Variants in F5 observed in about 807,000 individuals in gnomAD.
The protein encoded by F5 is activated protein c cofactor.
Under a neutral mutation model 216.4 loss-of-function variants are expected in F5, and 138 were observed. The ratio of observed to expected loss-of-function variants is 0.64; its 90% CI spans 0.56 to 0.73. The LOEUF (loss-of-function observed/expected upper bound fraction) is 0.73. Ranked by LOEUF, F5 falls within the 30% of genes least tolerant of loss-of-function variation. The probability of loss-of-function intolerance (pLI) is 0.00; values close to 1 mark genes in which losing one functional copy is unlikely to be tolerated. For missense variants in F5, 2,403 were observed against 2,674.0 expected (o/e 0.90, Z 2.24); for synonymous variants, 916 against 930.7 (o/e 0.98, Z 0.29).
intron 12 of F5, among the ~76,000 whole-genome samples, chr1:169,544,083 A>G (rs916200383): frequency 3.3e-5 from 5 of 152,174 alleles, no homozygotes; most frequent in Non-Finnish European, 4.4e-5. Flanking sequence ...TACTTTGCCC[A>G]GAGAAGGAAA....
intron 12 of F5, 120 bp from the exon 13 acceptor site, chr1:169,543,234 G>A (rs1659913741): frequency 1.2e-6 from 1 of 861,712 alleles, no homozygotes; most frequent in African/African-American, 1.7e-5. Flanking sequence ...TCAAGTATGG[G>A]CTGTGGACCA....
chr1:169,577,560 A>AATATATATATAGATATATAT (rs1660883868), intron 2 of F5, among the ~76,000 whole-genome samples: 1 of 54,446 alleles, frequency 1.8e-5, no homozygotes, highest in African/African-American at 5.6e-5. Flanking sequence ...GGCTAATTTA[A>AATATATATATAGATATATAT]ATATATATAT....
intron 2 of F5, among the ~76,000 whole-genome samples, chr1:169,579,503 C>T (rs912733473): frequency 9.9e-5 from 15 of 152,170 alleles, no homozygotes; most frequent in African/African-American, 1.9e-4. Context: ...CTTCTACACC[C>T]GTCTGCTCAC....
chr1:169,514,857 A>G (rs987777708), intron 24 of F5, among the ~76,000 whole-genome samples: 4 of 152,142 alleles, frequency 2.6e-5, no homozygotes, highest in African/African-American at 7.2e-5. Flanking sequence ...AGCAGCTGCA[A>G]AACCATTTCT....
rs777595678 is a variant in F5, at chr1:169,541,555, G to T, written c.3535C>A (p.His1179Asn). Residue 1179 changes from histidine to asparagine, a missense_variant, in exon 13 of 25, where the codon CAT becomes AAT. Coordinates refer to ENST00000367797, the MANE Select transcript of F5 (RefSeq NM_000130.5). ...DISQMSPSSEHEVWQTVISPD... is the reference protein window; with the variant it reads ...DISQMSPSSENEVWQTVISPD... ...GAGATGACTGTCTGCCAGACTTCAT[G>T]TTCTGAGGAAGGGGACATTTGACTT... 1.2e-6 allele frequency: 2 copies of T among 1,614,140 alleles called. No homozygotes were observed. The highest frequency in any genetic ancestry group is 1.1e-5 in the South Asian group (1 of 91,058).
Position 169,549,960 on chromosome 1 carries a change from C to T in F5, c.1452G>A (p.Lys484=). ...GTTCATCAAACTCTAAGATGTTCCA[C>T]TTATAAGTATAGGTTTCCCCTGGTT... ...AVQPGETYTY[K]WNILEFDEPT... is the part of the protein sequence containing the mutation. The change falls in exon 10 of 25, where the codon AAG becomes AAA. Residue 484 remains lysine, a synonymous_variant. Transcript: ENST00000367797. 6.2e-7 allele frequency: 1 copy of T among 1,614,132 alleles called. No individual in the cohort carries two copies. Among genetic ancestry groups the T allele is most frequent in the Non-Finnish European group, 8.5e-7 (1 of 1,180,020 alleles).
At position 169,530,947 on chromosome 1, in the gene F5, C is replaced by T. The variant is rs2101811678; in HGVS notation, c.5047G>A (p.Gly1683Arg). ...GGAGAGTCATCTTCATAAGTCTTTC[C>T]CTCTGATGATTTTTCATAGGAAAGT... ...HGLSYEKSSE[G>R]KTYEDDSPEW... is the part of the protein sequence containing the mutation. Residue 1683 changes from glycine to arginine, a missense_variant, in exon 15 of 25, where the codon GGA becomes AGA. Around this residue, in one of 4 missense-constraint regions of F5, gnomAD observed 659 missense variants for 787.9 expected, o/e 0.84. Transcript: ENST00000367797. The T allele has an allele frequency of 1.2e-6, 2 of 1,613,808 alleles. No homozygotes were observed. Among genetic ancestry groups the T allele is most frequent in the Non-Finnish European group, 1.7e-6 (2 of 1,179,826 alleles).
chr1:169,548,725 T>C (rs1340038909), intron 10 of F5, among the ~76,000 whole-genome samples: 1 of 151,560 alleles, frequency 6.6e-6, no homozygotes, highest in Non-Finnish European at 1.5e-5. Flanking sequence ...AAAAATTACA[T>C]GGGGGTGGTG....
chr1:169,582,977 G>A (rs1287006709), intron 1 of F5, among the ~76,000 whole-genome samples: 2 of 152,190 alleles, frequency 1.3e-5, no homozygotes, highest in Admixed American at 6.5e-5. Context: ...TAGTTGAGAG[G>A]TGAGAGATGG....
chr1:169,529,195 G>A (rs9332622), intron 16 of F5, among the ~76,000 whole-genome samples: 4,228 of 152,150 alleles, frequency 0.028, 188 homozygotes, highest in African/African-American at 0.097. Context: ...AACTGTTAGC[G>A]TCATTCTTAT....
intron 5 of F5, among the ~76,000 whole-genome samples, chr1:169,557,686 A>C (rs1571588207): frequency 6.6e-6 from 1 of 152,040 alleles, no homozygotes; most frequent in Middle Eastern, 3.4e-3. Context: ...TCTCAGATAC[A>C]TAATCACTAG....
In F5 at chr1:169,547,528, G is replaced by T. The variant is rs141985961; in HGVS notation, c.1612-936C>A. Reference sequence around the variant, plus strand: ...ACAGCCCCATTAAAAAGTAGGCCAAGGACAGGAACAGACACTTTTCAAAAG... The same window carrying T: ...ACAGCCCCATTAAAAAGTAGGCCAATGACAGGAACAGACACTTTTCAAAAG... On this transcript the variant is annotated intron_variant, in intron 10 of 24. Coordinates refer to ENST00000367797, the MANE Select transcript of F5 (RefSeq NM_000130.5). Among the ~76,000 whole-genome samples, 786 of 152,248 alleles carry T rather than the reference G, an allele frequency of 5.2e-3. 6 individuals carry two copies. Among genetic ancestry groups the T allele is most frequent in the African/African-American group, 0.018 (731 of 41,540 alleles).
At position 169,556,630 on chromosome 1, in the gene F5, C is replaced by CA; in HGVS notation, c.952+15dup. 3.7e-6 allele frequency: 6 copies of CA among 1,612,224 alleles called. No homozygotes were observed. The highest frequency in any genetic ancestry group is 5.1e-6 in the Non-Finnish European group (6 of 1,178,514). ...ATTCTGCATTGAGAAGCAAGACTGTCAGGAGAGTTTCTTGCCTTGCAAATG... is the reference window on the plus strand; with the variant it reads ...ATTCTGCATTGAGAAGCAAGACTGTCAAGGAGAGTTTCTTGCCTTGCAAATG... On this transcript the variant is annotated intron_variant, in intron 6 of 24. Coordinates refer to ENST00000367797, the MANE Select transcript of F5 (RefSeq NM_000130.5).
chr1:169,552,785 G>A (rs531571106), intron 7 of F5, 51 bp from the exon 8 acceptor site: 57 of 1,322,282 alleles, frequency 4.3e-5, no homozygotes, highest in Admixed American at 1.0e-4. Context: ...TAGAGATCTC[G>A]GTAGGATGGG....
Position 169,550,014 on chromosome 1 carries a change from G to T in F5, c.1398C>A (p.Gly466=). 6.2e-7 allele frequency: 1 copy of T among 1,612,338 alleles called. No homozygotes were observed. The highest frequency in any genetic ancestry group is 8.5e-7 in the Non-Finnish European group (1 of 1,178,678). ...EDEVNSSFTS[G]RNNTMIRAVQ... is the part of the protein sequence containing the mutation. ...CTGCTCTGATCATGGTGTTGTTCCTGCCTGAAAGAAAATATATTCAAAATT... is the reference window on the plus strand; with the variant it reads ...CTGCTCTGATCATGGTGTTGTTCCTTCCTGAAAGAAAATATATTCAAAATT... The change falls in exon 10 of 25, where the codon GGC becomes GGA. Residue 466 remains glycine (G), a splice_region_variant and synonymous_variant. Coordinates refer to ENST00000367797, the MANE Select transcript of F5 (RefSeq NM_000130.5).
intron 6 of F5, among the ~76,000 whole-genome samples, chr1:169,556,087 C>T (rs989329338): frequency 1.3e-5 from 2 of 152,104 alleles, no homozygotes; most frequent in South Asian, 2.1e-4. Flanking sequence ...TACCACATAA[C>T]GTGGGTTGAT....
At chr1:169,575,315 T>C (rs534400203) in intron 2 of F5, among the ~76,000 whole-genome samples, 1 of 152,228 alleles carries the variant, frequency 6.6e-6, no homozygotes, top group Admixed American at 6.5e-5. Flanking sequence ...TGGAGCTTAG[T>C]ATGTGAAAGG....
At chr1:169,529,286 T>G (rs1659534572) in intron 16 of F5, among the ~76,000 whole-genome samples, 1 of 152,224 alleles carries the variant, frequency 6.6e-6, no homozygotes, top group South Asian at 2.1e-4. Context: ...CTTATTAACT[T>G]TAAATTGCAG....
chr1:169,524,381 T>G (rs573456562), intron 19 of F5, among the ~76,000 whole-genome samples: 103 of 152,326 alleles, frequency 6.8e-4, no homozygotes, highest in African/African-American at 2.5e-3. Flanking sequence ...GGGACTATAA[T>G]GCCTGGCTGA....
Sources: allele counts gnomAD v4.1 joint callset (sites outside exome capture counted in the v4.1 genomes callset), GRCh38; gene constraint gnomAD v4.1.1; regional missense constraint gnomAD v4.1.1; transcripts MANE v1.5; gene names NCBI Gene and HGNC (gene_info 2026-07-23, HGNC 2026-07-21).